The following ID3 variants were observed in gnomAD, a reference collection of about 807,000 sequenced individuals.
ID3 encodes inhibitor of DNA binding 3.
Under a neutral mutation model 9.6 loss-of-function variants are expected in ID3, and 4 were observed. The observed-to-expected ratio is 0.42, with a 90% CI of 0.21 to 0.96. The LOEUF is 0.96. Among genes scored for constraint, ID3 ranks in the 40% least tolerant of loss-of-function variants. The pLI, the probability that ID3 is intolerant of heterozygous loss-of-function variation, is 0.30. For synonymous variants in ID3, 108 were observed against 75.2 expected (o/e 1.44, Z -2.26); for missense variants, 191 against 164.5 (o/e 1.16, Z -0.88).
At position 23,559,215 on chromosome 1, in the gene ID3, T is replaced by A; in HGVS notation, c.212A>T (p.Gln71Leu). The A allele has an allele frequency of 6.2e-7, 1 of 1,614,092 alleles. No homozygotes were observed. The highest frequency in any genetic ancestry group is 8.5e-7 in the Non-Finnish European group (1 of 1,180,048). The change falls in exon 1 of 3, where the codon CAG becomes CTG. Residue 71 changes from glutamine to leucine, a missense_variant. Gln to Leu is a moderately radical substitution (Grantham distance 113). Coordinates refer to ENST00000374561, the MANE Select transcript of ID3 (RefSeq NM_002167.5). ...GTCGAGAATGTAGTCGATGACGCGC[T>A]GTAGGATTTCCACCTGGCTAAGCTG... ...GTQLSQVEIL[Q>L]RVIDYILDLQ... is the part of the protein sequence containing the mutation.
rs146711026 is a variant in ID3 at position 23,559,036 on chromosome 1, A to C, written c.301-17T>G. The C allele has an allele frequency of 1.1e-3, 1,832 of 1,613,886 alleles. 13 individuals carry two copies. In the African/African-American group the frequency reaches 0.018, roughly 16 times the overall value. ...CTCGGCTGTCTGATTAGAGGAAAAG[A>C]GGGAAGAGTTACGCGAGGCAATCGG... On this transcript the variant is annotated splice_polypyrimidine_tract_variant and intron_variant, in intron 1 of 2. Coordinates refer to ENST00000374561, the MANE Select transcript of ID3 (RefSeq NM_002167.5).
intron 2 of ID3, 151 bp downstream of exon 2, chr1:23,558,782 ACT>A: frequency 3.3e-6 from 2 of 613,084 alleles, no homozygotes; most frequent in East Asian, 2.8e-5. Flanking sequence ...ATGGAAACTG[ACT>A]CTGCCATTCA....
Position 23,558,984 on chromosome 1 carries a change from G to A in ID3, c.336C>T (p.Asn112=), listed in dbSNP as rs775627355. 45 of 1,614,056 alleles carry A rather than the reference G, an allele frequency of 2.8e-5. No homozygotes were observed. Among genetic ancestry groups the A allele is most frequent in the Admixed American group, 5.0e-5 (3 of 60,000 alleles). ...GTCAGTGGCAAAAGCTCCTTTTGTCGTTGGAGATGACAAGTTCCGGAGTGA... is the reference window on the plus strand; with the variant it reads ...GTCAGTGGCAAAAGCTCCTTTTGTCATTGGAGATGACAAGTTCCGGAGTGA... ...AELTPELVIS[N]DKRSFCH The change falls in exon 2 of 3, where the codon AAC becomes AAT. Residue 112 remains asparagine (N), a synonymous_variant. Transcript: ENST00000374561.
At chr1:23,558,785 C>G (rs916389000) in intron 2 of ID3, 150 bp downstream of exon 2, 3 of 615,634 alleles carry the variant, frequency 4.9e-6, no homozygotes, top group Non-Finnish European at 8.7e-6. Context: ...GAAACTGACT[C>G]TGCCATTCAT....
In ID3 at chr1:23,558,473, G is replaced by A. The variant is rs117372700; in HGVS notation, c.*26-58C>T. 8.2e-3 allele frequency: 1,271 copies of A among 155,264 alleles called. 20 individuals carry two copies. Among genetic ancestry groups the A allele is most frequent in the East Asian group, 0.049 (256 of 5,222 alleles). The allele number at this position is 155,264 out of a possible 1,614,324, so 9.6% of individuals were successfully genotyped here. A position where few individuals can be genotyped will look rare whatever the true frequency, so the allele number is the denominator to read the frequency against. On this transcript the variant is annotated intron_variant, in intron 2 of 2. Coordinates refer to ENST00000374561, the MANE Select transcript of ID3 (RefSeq NM_002167.5). ...GTCAGTTTCCGCCGAGCGTGCCGAG[G>A]CGGGGGCCGTCCGCAGACTGGCCGG...
In ID3 at chr1:23,559,319, C is replaced by G. The variant is rs1464301868; in HGVS notation, c.108G>C (p.Glu36Asp). The stretch of plus-strand genomic sequence containing the variant: ...TCATGTCGTCCAGCAAGCTCAGCGG[C>G]TCCTCAGCTGCCGGGCCCTTCCCTC... Reference protein sequence around the residue: ...RGRGKGPAAEEPLSLLDDMNH... With the variant: ...RGRGKGPAAEDPLSLLDDMNH... The change falls in exon 1 of 3, where the codon GAG becomes GAC. Residue 36 changes from glutamate (E) to aspartate (D), a missense_variant. Coordinates refer to ENST00000374561, the MANE Select transcript of ID3 (RefSeq NM_002167.5). 1 of 1,613,736 alleles carries G rather than the reference C, an allele frequency of 6.2e-7. No individual in the cohort carries two copies. The highest frequency in any genetic ancestry group is 1.1e-5 in the South Asian group (1 of 91,086).
rs1388196011 is a variant in ID3 at position 23,559,263 on chromosome 1, A to G, written c.164T>C (p.Val55Ala). 1 of 1,614,164 alleles carries G rather than the reference A, an allele frequency of 6.2e-7. No homozygotes were observed. The highest frequency in any genetic ancestry group is 8.5e-7 in the Non-Finnish European group (1 of 1,180,028). Residue 55 changes from valine (V) to alanine (A), a missense_variant, in exon 1 of 3, where the codon GTA becomes GCA. Transcript: ENST00000374561. ...CTGAGTGCCTCTCGGGACTCCGGGT[A>G]CCAGTTCCCGCAGGCGGGAGTAGCA... is the stretch of plus-strand genomic sequence containing the variant. ...NHCYSRLREL[V>A]PGVPRGTQLS...
Position 23,559,021 on chromosome 1 carries a change from T to C in ID3, c.301-2A>G. Reference sequence around the variant, plus strand: ...AAGTTCCGGAGTGAGCTCGGCTGTCTGATTAGAGGAAAAGAGGGAAGAGTT... The same window carrying C: ...AAGTTCCGGAGTGAGCTCGGCTGTCCGATTAGAGGAAAAGAGGGAAGAGTT... On this transcript the variant is annotated splice_acceptor_variant, in intron 1 of 2. Transcript: ENST00000374561. LOFTEE classifies it high-confidence loss of function. 6.8e-6 allele frequency: 11 copies of C among 1,614,086 alleles called. No individual in the cohort carries two copies. Among genetic ancestry groups the C allele is most frequent in the Non-Finnish European group, 9.3e-6 (11 of 1,179,966 alleles).
rs560971527 is a variant in ID3, at chr1:23,559,110, C to A, written c.300+17G>T. On this transcript the variant is annotated intron_variant, in intron 1 of 2. Transcript: ENST00000374561. ...CCTTGCCTGGGTGTTCAGCCCTGTC[C>A]CGACTTCGAGGCTTACCTGGATGGG... is the stretch of plus-strand genomic sequence containing the variant. 1.9e-5 allele frequency: 31 copies of A among 1,613,396 alleles called. No homozygotes were observed. In the South Asian group the frequency reaches 2.9e-4, roughly 15 times the overall value.
intron 1 of ID3, 29 bp downstream of exon 1, chr1:23,559,098 T>TGG (rs1643685272): frequency 6.2e-7 from 1 of 1,612,942 alleles, no homozygotes; most frequent in African/African-American, 1.3e-5. Flanking sequence ...TGCCTGGGTG[T>TGG]TCAGCCCTGT....
At position 23,559,344 on chromosome 1, in the gene ID3, C is replaced by T. The variant is rs34462407; in HGVS notation, c.83G>A (p.Arg28Gln). The change falls in exon 1 of 3, where the codon CGA becomes CAA. Residue 28 changes from arginine to glutamine, a missense_variant. Transcript: ENST00000374561. ...CTCCTCAGCTGCCGGGCCCTTCCCTCGGCCCCGGGCGATGGCCAGACTGCG... is the reference window on the plus strand; with the variant it reads ...CTCCTCAGCTGCCGGGCCCTTCCCTTGGCCCCGGGCGATGGCCAGACTGCG... Reference protein sequence around the residue: ...SERSLAIARGRGKGPAAEEPL... With the variant: ...SERSLAIARGQGKGPAAEEPL... 1,029 of 1,613,470 alleles carry T rather than the reference C, an allele frequency of 6.4e-4. 1 individual carries two copies. In the African/African-American group the frequency reaches 0.011, roughly 17 times the overall value.
chr1:23,558,954 G>A lies in ID3; in HGVS notation c.*6C>T, dbSNP rs1250714098. 1 of 1,613,198 alleles carries A rather than the reference G, an allele frequency of 6.2e-7. No individual in the cohort carries two copies. Among genetic ancestry groups the A allele is most frequent in the Non-Finnish European group, 8.5e-7 (1 of 1,179,314 alleles). Reference sequence around the variant, plus strand: ...ACTCACCTGGAGGTGTCAGGACACGGCCGAGTCAGTGGCAAAAGCTCCTTT... The same window carrying A: ...ACTCACCTGGAGGTGTCAGGACACGACCGAGTCAGTGGCAAAAGCTCCTTT... On this transcript the variant is annotated 3_prime_UTR_variant, in exon 2 of 3. Transcript: ENST00000374561.
rs1235238529 is a variant in ID3 at position 23,559,329 on chromosome 1, G to T, written c.98C>A (p.Ala33Glu). 6.2e-7 allele frequency: 1 copy of T among 1,613,536 alleles called. No individual in the cohort carries two copies. Among genetic ancestry groups the T allele is most frequent in the Non-Finnish European group, 8.5e-7 (1 of 1,180,044 alleles). Residue 33 changes from alanine to glutamate, a missense_variant, in exon 1 of 3, where the codon GCA (alanine) becomes GAA (glutamate). Coordinates refer to ENST00000374561, the MANE Select transcript of ID3 (RefSeq NM_002167.5). ...AIARGRGKGP[A>E]AEEPLSLLDD... ...CAGCAAGCTCAGCGGCTCCTCAGCT[G>T]CCGGGCCCTTCCCTCGGCCCCGGGC...
rs2124330260 is a variant in ID3, at chr1:23,559,254, A to G, written c.173T>C (p.Val58Ala). ...CTGGCTAAGCTGAGTGCCTCTCGGG[A>G]CTCCGGGTACCAGTTCCCGCAGGCG... Reference protein sequence around the residue: ...YSRLRELVPGVPRGTQLSQVE... With the variant: ...YSRLRELVPGAPRGTQLSQVE... Residue 58 changes from valine to alanine, a missense_variant, in exon 1 of 3, where the codon GTC (valine) becomes GCC (alanine). By Grantham distance (64) the Val-to-Ala change is moderately conservative. Transcript: ENST00000374561. 1 of 1,613,976 alleles carries G rather than the reference A, an allele frequency of 6.2e-7. No individual in the cohort carries two copies. Among genetic ancestry groups the G allele is most frequent in the Non-Finnish European group, 8.5e-7 (1 of 1,179,992 alleles).
rs1340031417 is a variant in ID3, at chr1:23,558,993, G to C, written c.327C>G (p.Val109=). 6.2e-7 allele frequency: 1 copy of C among 1,614,076 alleles called. No homozygotes were observed. Among genetic ancestry groups the C allele is most frequent in the African/African-American group, 1.3e-5 (1 of 74,944 alleles). The change falls in exon 2 of 3, where the codon GTC becomes GTG. Residue 109 remains valine (V), a synonymous_variant. Coordinates refer to ENST00000374561, the MANE Select transcript of ID3 (RefSeq NM_002167.5). ...IQTAELTPEL[V]ISNDKRSFCH is the part of the protein sequence containing the mutation. ...AAAAGCTCCTTTTGTCGTTGGAGATGACAAGTTCCGGAGTGAGCTCGGCTG... is the reference window on the plus strand; with the variant it reads ...AAAAGCTCCTTTTGTCGTTGGAGATCACAAGTTCCGGAGTGAGCTCGGCTG...
chr1:23,559,474 G>C lies in ID3; in HGVS notation c.-48C>G. 6.3e-7 allele frequency: 1 copy of C among 1,577,400 alleles called. No individual in the cohort carries two copies. The highest frequency in any genetic ancestry group is 8.6e-7 in the Non-Finnish European group (1 of 1,161,116). On this transcript the variant is annotated 5_prime_UTR_variant, in exon 1 of 3. Transcript: ENST00000374561. ...GCCCCAAAGAGAAAGAAAACCAAAA[G>C]AAGTCCCGCTACAGTGACCTGCAAC...
At position 23,559,325 on chromosome 1, in the gene ID3, A is replaced by C. The variant is rs748037140; in HGVS notation, c.102T>G (p.Ala34=). 6.2e-7 allele frequency: 1 copy of C among 1,613,612 alleles called. No homozygotes were observed. Among genetic ancestry groups the C allele is most frequent in the South Asian group, 1.1e-5 (1 of 91,078 alleles). The change falls in exon 1 of 3, where the codon GCT becomes GCG. Residue 34 remains alanine, a synonymous_variant. Coordinates refer to ENST00000374561, the MANE Select transcript of ID3 (RefSeq NM_002167.5). The part of the protein sequence containing the change: ...IARGRGKGPA[A]EEPLSLLDDM... The stretch of plus-strand genomic sequence containing the variant: ...CGTCCAGCAAGCTCAGCGGCTCCTC[A>C]GCTGCCGGGCCCTTCCCTCGGCCCC...
chr1:23,559,270 C>T lies in ID3; in HGVS notation c.157G>A (p.Glu53Lys), dbSNP rs2124330324. Reference protein sequence around the residue: ...DMNHCYSRLRELVPGVPRGTQ... With the variant: ...DMNHCYSRLRKLVPGVPRGTQ... ...CCTCTCGGGACTCCGGGTACCAGTT[C>T]CCGCAGGCGGGAGTAGCAGTGGTTC... Residue 53 changes from glutamate (E) to lysine (K), a missense_variant, in exon 1 of 3, where the codon GAA becomes AAA. Transcript: ENST00000374561. 1 of 1,614,180 alleles carries T rather than the reference C, an allele frequency of 6.2e-7. No individual in the cohort carries two copies.
At position 23,559,492 on chromosome 1, in the gene ID3, C is replaced by T. The variant is rs1371418378; in HGVS notation, c.-66G>A. On this transcript the variant is annotated 5_prime_UTR_variant, in exon 1 of 3. Coordinates refer to ENST00000374561, the MANE Select transcript of ID3 (RefSeq NM_002167.5). ...ACCAAAAGAAGTCCCGCTACAGTGA[C>T]CTGCAACGCGCGCACGCTCGCCGCG... The T allele has an allele frequency of 2.0e-6, 3 of 1,514,704 alleles. No individual in the cohort carries two copies. The highest frequency in any genetic ancestry group is 1.3e-5 in the South Asian group (1 of 79,730). 93.8% of individuals were successfully genotyped at this position (1,514,704 alleles called of 1,614,324 possible).
Sources: allele counts gnomAD v4.1 joint callset, GRCh38; gene constraint gnomAD v4.1.1; transcripts MANE v1.5; gene names NCBI Gene and HGNC (gene_info 2026-07-23, HGNC 2026-07-21).